CEP76: variants seen among roughly 807,000 people sequenced by gnomAD.
CEP76 encodes centrosomal protein of 76 kDa.
A neutral mutation model predicts 83.3 loss-of-function variants in CEP76; 55 were observed. The observed-to-expected ratio is 0.66, with a 90% confidence interval of 0.53 to 0.83. The LOEUF (loss-of-function observed/expected upper bound fraction) is 0.83. Ranked by LOEUF, CEP76 falls within the 40% of genes least tolerant of loss-of-function variation. The pLI is 0.00. For synonymous variants in CEP76, 270 were observed against 274.5 expected (o/e 0.98, Z 0.16); for missense variants, 694 against 799.5 (o/e 0.87, Z 1.59).
intron 10 of CEP76, among the ~76,000 whole-genome samples, chr18:12,676,892 C>A (rs2039153340): frequency 6.6e-6 from 1 of 152,096 alleles, no homozygotes; most frequent in Admixed American, 6.6e-5. Context: ...CCAAAGAACA[C>A]AGAAAACAGG....
Position 12,697,422 on chromosome 18 carries a change from C to G in CEP76, c.521-14G>C, listed in dbSNP as rs1043849280. Reference sequence around the variant, plus strand: ...TAGTTCCATCACCTAGCAATATAATCCAAACGAAATTATACCACACTACAT... The same window carrying G: ...TAGTTCCATCACCTAGCAATATAATGCAAACGAAATTATACCACACTACAT... On this transcript the variant is annotated splice_polypyrimidine_tract_variant and intron_variant, in intron 4 of 11. Coordinates refer to ENST00000262127, the MANE Select transcript of CEP76 (RefSeq NM_024899.4). 2.5e-6 allele frequency: 4 copies of G among 1,575,954 alleles called. No individual in the cohort carries two copies. The Admixed American group carries it at 7.1e-5, about 28-fold the overall frequency.
intron 9 of CEP76, chr18:12,679,001 T>C (rs945378257): frequency 6.6e-6 from 1 of 152,084 alleles, no homozygotes; most frequent in African/African-American, 2.4e-5. Context: ...AATAATTTGG[T>C]TATGCATTTT....
intron 6 of CEP76, among the ~76,000 whole-genome samples, 159 bp from the exon 7 acceptor site, chr18:12,691,646 C>A (rs532925048): frequency 1.3e-5 from 2 of 152,198 alleles, no homozygotes; most frequent in South Asian, 2.1e-4. Flanking sequence ...TCTACACTTA[C>A]CCCTAGTACA....
In CEP76 at chr18:12,664,632, G is replaced by A. The variant is rs144575842; in HGVS notation, c.*1728-2463C>T. 4.6e-3 allele frequency among the ~76,000 whole-genome samples: 704 copies of A among 151,794 alleles called. 4 individuals are homozygous for A. Among genetic ancestry groups the A allele is most frequent in the African/African-American group, 0.016 (666 of 41,422 alleles). Reference sequence around the variant, plus strand: ...ATTCCTGGGCTCAAGGGATCCTCCCGCCTTGGCCTCCCAAAGTGCTGGGAT... The same window carrying A: ...ATTCCTGGGCTCAAGGGATCCTCCCACCTTGGCCTCCCAAAGTGCTGGGAT... On this transcript the variant is annotated intron_variant and NMD_transcript_variant, in intron 12 of 12. Transcript: ENST00000590143.
At chr18:12,665,735 T>C (rs999873510) in intron 12 of CEP76, among the ~76,000 whole-genome samples, 1 of 152,210 alleles carries the variant, frequency 6.6e-6, no homozygotes, top group Non-Finnish European at 1.5e-5. Context: ...CTTGCTCTTG[T>C]CACCCAGACT....
chr18:12,702,652 G>T lies in CEP76; in HGVS notation c.-104C>A, dbSNP rs1598674227. The T allele has an allele frequency of 6.0e-6, 8 of 1,326,628 alleles. No individual in the cohort carries two copies. The Admixed American group carries it at 1.9e-4, about 32-fold the overall frequency. 82.2% of individuals were successfully genotyped at this position (1,326,628 alleles called of 1,614,324 possible). A position where few individuals can be genotyped will look rare whatever the true frequency, so the allele number is the denominator to read the frequency against. On this transcript the variant is annotated 5_prime_UTR_variant, in exon 1 of 12. Coordinates refer to ENST00000262127, the MANE Select transcript of CEP76 (RefSeq NM_024899.4). ...GTTAGGAGCGACTGGAGCACAAAGC[G>T]CCGCAGCCGTTCGCCTAGCGCAGCT... is the stretch of plus-strand genomic sequence containing the variant.
rs1426297489 is a variant in CEP76, at chr18:12,697,251, G to A, written c.678C>T (p.Thr226=). The change falls in exon 5 of 12, where the codon ACC becomes ACT. Residue 226 remains threonine (T), a synonymous_variant. Coordinates refer to ENST00000262127, the MANE Select transcript of CEP76 (RefSeq NM_024899.4). ...CACCCATAAGTTCCACAGTCAGACT[G>A]GTCACTCCATTTTCTGAGCCCAAAA... is the stretch of plus-strand genomic sequence containing the variant. ...RSVLGSENGV[T]SLTVELMGVG... is the part of the protein sequence containing the mutation. 6.2e-7 allele frequency: 1 copy of A among 1,613,296 alleles called. No homozygotes were observed. The highest frequency in any genetic ancestry group is 2.2e-5 in the East Asian group (1 of 44,832).
At chr18:12,694,721 T>TC (rs1438529465) in intron 6 of CEP76, among the ~76,000 whole-genome samples, 6 of 149,494 alleles carry the variant, frequency 4.0e-5, no homozygotes, top group Non-Finnish European at 1.5e-5. Flanking sequence ...TTTTTTTTTT[T>TC]CTTTTTTTGA....
At chr18:12,675,670 A>T (rs1202191152) in intron 10 of CEP76, among the ~76,000 whole-genome samples, 2 of 151,338 alleles carry the variant, frequency 1.3e-5, no homozygotes, top group East Asian at 3.9e-4. Context: ...TTTATTTTTT[A>T]TTTTTTTAAA....
In CEP76 at chr18:12,699,864, A is replaced by G; in HGVS notation, c.261T>C (p.Pro87=). Residue 87 remains proline, a synonymous_variant, in exon 3 of 12, where the codon CCT becomes CCC. Transcript: ENST00000262127. ...ATGTCGATTGTCTATCAAAACAAAT[A>G]GGTTGTTTTGGAGAGGAAGGGAGTT... The part of the protein sequence containing the change: ...EQELPSSPKQ[P]ICFDRQSTLK... The G allele has an allele frequency of 6.3e-7, 1 of 1,597,146 alleles. No individual in the cohort carries two copies. Among genetic ancestry groups the G allele is most frequent in the South Asian group, 1.1e-5 (1 of 87,808 alleles).
intron 6 of CEP76, among the ~76,000 whole-genome samples, chr18:12,694,324 G>C (rs1370538408): frequency 6.6e-6 from 1 of 152,172 alleles, no homozygotes. Context: ...GACAGGCAGG[G>C]TGGAGTAAAG....
Position 12,673,154 on chromosome 18 carries a change from T to C in CEP76, c.*211A>G. 4.2e-6 allele frequency: 5 copies of C among 1,190,974 alleles called. No individual in the cohort carries two copies. The African/African-American group carries it at 6.4e-5, about 15-fold the overall frequency. 73.8% of individuals were successfully genotyped at this position (1,190,974 alleles called of 1,614,324 possible). On this transcript the variant is annotated 3_prime_UTR_variant, in exon 12 of 12. Transcript: ENST00000262127. ...AATATACACTTAATTTATACTAAAT[T>C]CCAGGGAGATTTATACAAGTTTTTC...
At chr18:12,670,329 C>CA (rs201302290), downstream of CEP76, 13,466 of 142,966 alleles carry the variant, frequency 0.094, 817 homozygotes, top group Non-Finnish European at 0.13. Context: ...GACTCTGTCT[C>CA]AAAAAAAAAA....
At chr18:12,666,742 C>T (rs2038812154) in intron 12 of CEP76, among the ~76,000 whole-genome samples, 1 of 150,836 alleles carries the variant, frequency 6.6e-6, no homozygotes, top group African/African-American at 2.5e-5. Context: ...AGTCACCACA[C>T]CCGGCCAAAA....
intron 8 of CEP76, among the ~76,000 whole-genome samples, chr18:12,684,027 A>G (rs1468399258): frequency 2.7e-5 from 4 of 150,526 alleles, no homozygotes; most frequent in Non-Finnish European, 4.4e-5. Flanking sequence ...TATCATATAT[A>G]TATGTATTTT....
chr18:12,680,084 AT>A lies in CEP76; in HGVS notation c.1289+577del, dbSNP rs543187570. On this transcript the variant is annotated intron_variant, in intron 9 of 11. Transcript: ENST00000262127. ...AAAAAAAGAGAAAACTGAAAAAAAA[AT>A]ATGCTAATCATACAAAACTAGTAAA... Among the ~76,000 whole-genome samples the A allele has an allele frequency of 2.4e-4, 36 of 152,122 alleles. No individual in the cohort carries two copies. In the East Asian group the frequency reaches 5.4e-3, roughly 23 times the overall value.
chr18:12,667,795 T>C (rs1463974329), downstream of CEP76, among the ~76,000 whole-genome samples: 1 of 140,222 alleles, frequency 7.1e-6, no homozygotes, highest in South Asian at 2.2e-4. Context: ...AAAGAAAATA[T>C]AATATTCACT....
At chr18:12,695,391 C>CTA in intron 5 of CEP76, 40 bp from the exon 6 acceptor site, 2 of 991,700 alleles carry the variant, frequency 2.0e-6, no homozygotes, top group East Asian at 2.6e-5. Flanking sequence ...GATTTCAATA[C>CTA]TATATATATT....
chr18:12,701,184 G>T, intron 1 of CEP76, 71 bp from the exon 2 acceptor site: 1 of 1,151,014 alleles, frequency 8.7e-7, no homozygotes, highest in Non-Finnish European at 1.3e-6. Context: ...AAGTTTTAAG[G>T]TTCTCCAGCT....
Sources: allele counts gnomAD v4.1 joint callset (sites outside exome capture counted in the v4.1 genomes callset), GRCh38; gene constraint gnomAD v4.1.1; transcripts MANE v1.5; gene names NCBI Gene and HGNC (gene_info 2026-07-23, HGNC 2026-07-21).